Variants in KCNH1 observed in about 807,000 individuals in gnomAD.
The protein encoded by KCNH1 is potassium voltage-gated channel subfamily H member 1, also known as voltage-gated delayed rectifier potassium channel KCNH1.
KCNH1 carries 27 observed loss-of-function variants against 69.2 expected under a neutral mutation model. The ratio of observed to expected loss-of-function variants is 0.39; its 90% CI spans 0.29 to 0.54. The LOEUF (loss-of-function observed/expected upper bound fraction) is 0.54. Among genes scored for constraint, KCNH1 ranks in the 20% least tolerant of loss-of-function variants. The pLI, the probability that KCNH1 is intolerant of heterozygous loss-of-function variation, is 0.68. For synonymous variants in KCNH1, 456 were observed against 487.7 expected (o/e 0.93, Z 0.86); for missense variants, 798 against 1,261.6 (o/e 0.63, Z 5.57).
At chr1:211,011,372 T>C (rs1689390835) in intron 6 of KCNH1, among the ~76,000 whole-genome samples, 1 of 152,222 alleles carries the variant, frequency 6.6e-6, no homozygotes, top group South Asian at 2.1e-4. Context: ...TTATCCAGTC[T>C]ATCATTGATG....
intron 5 of KCNH1, among the ~76,000 whole-genome samples, chr1:211,032,839 G>A (rs1689815229): frequency 6.6e-6 from 1 of 152,254 alleles, no homozygotes; most frequent in Middle Eastern, 3.4e-3. Flanking sequence ...TACCATTCAG[G>A]ACATAGGCAT....
intron 1 of KCNH1, among the ~76,000 whole-genome samples, chr1:211,119,627 T>C (rs897737692): frequency 1.3e-5 from 2 of 152,124 alleles, no homozygotes; most frequent in African/African-American, 4.8e-5. Context: ...ATCAGTATGA[T>C]ATACCCAAAT....
intron 5 of KCNH1, among the ~76,000 whole-genome samples, chr1:211,058,445 T>A (rs1469955417): frequency 6.6e-6 from 1 of 152,162 alleles, no homozygotes; most frequent in African/African-American, 2.4e-5. Context: ...ACAAAAAGTT[T>A]AAAAGCAGGG....
intron 7 of KCNH1, among the ~76,000 whole-genome samples, chr1:210,875,589 G>A (rs1400699807): frequency 6.6e-6 from 1 of 152,128 alleles, no homozygotes; most frequent in Non-Finnish European, 1.5e-5. Context: ...GATCACTTGA[G>A]ATCAGGAGTT....
intron 8 of KCNH1, among the ~76,000 whole-genome samples, chr1:210,803,394 A>G (rs1218503888): frequency 6.6e-6 from 1 of 152,150 alleles, no homozygotes; most frequent in Non-Finnish European, 1.5e-5. Context: ...GAGCCGCTGC[A>G]TCTGGCCTGA....
intron 7 of KCNH1, among the ~76,000 whole-genome samples, chr1:210,909,380 C>T (rs1232254396): frequency 6.6e-6 from 1 of 152,204 alleles, no homozygotes; most frequent in Admixed American, 6.5e-5. Flanking sequence ...CATTCATCCA[C>T]ATTAATGAAC....
chr1:210,965,406 TG>T (rs1688380342), intron 6 of KCNH1, among the ~76,000 whole-genome samples: 1 of 152,058 alleles, frequency 6.6e-6, no homozygotes, highest in Non-Finnish European at 1.5e-5. Flanking sequence ...AGCAGTCTCA[TG>T]GTAAAAAAAA....
intron 10 of KCNH1, among the ~76,000 whole-genome samples, chr1:210,761,302 C>T (rs1042152949): frequency 4.2e-5 from 6 of 143,906 alleles, no homozygotes; most frequent in Admixed American, 1.4e-4. Context: ...AGCCCATGGA[C>T]CCTATAAAGC....
At chr1:210,932,504 A>G (rs1366846822) in intron 6 of KCNH1, among the ~76,000 whole-genome samples, 2 of 151,732 alleles carry the variant, frequency 1.3e-5, no homozygotes, top group Non-Finnish European at 2.9e-5. Context: ...GTAAGTACTG[A>G]CCTATCAATA....
intron 6 of KCNH1, among the ~76,000 whole-genome samples, chr1:210,985,223 C>A (rs1213399596): frequency 2.0e-5 from 3 of 152,026 alleles, no homozygotes; most frequent in African/African-American, 4.8e-5. Context: ...TTGATCTTTT[C>A]AAAAAACCAG....
chr1:210,722,926 C>T (rs1682504663), intron 10 of KCNH1, among the ~76,000 whole-genome samples: 1 of 152,200 alleles, frequency 6.6e-6, no homozygotes, highest in African/African-American at 2.4e-5. Context: ...GAAAATCTCA[C>T]ACTTGTCTTG....
chr1:211,096,604 T>C (rs1691159763), intron 3 of KCNH1, among the ~76,000 whole-genome samples: 2 of 152,214 alleles, frequency 1.3e-5, no homozygotes, highest in Non-Finnish European at 2.9e-5. Context: ...ATTGCATTGA[T>C]GAGTATAAAA....
At chr1:211,025,068 A>T (rs1689661257) in intron 5 of KCNH1, among the ~76,000 whole-genome samples, 1 of 152,200 alleles carries the variant, frequency 6.6e-6, no homozygotes, top group Non-Finnish European at 1.5e-5. Context: ...AGTACAGAGA[A>T]GGCTGGCTCC....
chr1:210,852,496 C>T (rs1685726707), intron 7 of KCNH1, among the ~76,000 whole-genome samples: 1 of 152,022 alleles, frequency 6.6e-6, no homozygotes, highest in Non-Finnish European at 1.5e-5. Context: ...TAAGTGACTT[C>T]TAGGAAGCCT....
chr1:211,094,453 A>G (rs1242796208), intron 3 of KCNH1, among the ~76,000 whole-genome samples: 1 of 152,180 alleles, frequency 6.6e-6, no homozygotes, highest in Non-Finnish European at 1.5e-5. Context: ...CTGATCATGG[A>G]CAGGGAAGTT....
At chr1:210,941,506 A>G (rs1309565218) in intron 6 of KCNH1, among the ~76,000 whole-genome samples, 1 of 152,176 alleles carries the variant, frequency 6.6e-6, no homozygotes, top group Non-Finnish European at 1.5e-5. Flanking sequence ...CAGTAGCCCA[A>G]ACACCTGGGT....
intron 6 of KCNH1, among the ~76,000 whole-genome samples, chr1:210,985,133 C>T (rs900380141): frequency 1.4e-4 from 22 of 152,076 alleles, no homozygotes; most frequent in African/African-American, 5.3e-4. Context: ...GGTGATATCC[C>T]TTTATCATTT....
At chr1:210,954,384 T>C (rs142821065) in intron 6 of KCNH1, among the ~76,000 whole-genome samples, 44 of 152,348 alleles carry the variant, frequency 2.9e-4, no homozygotes, top group Non-Finnish European at 5.3e-4. Flanking sequence ...TGTGTCTTTA[T>C]AGTAGAATGA....
intron 6 of KCNH1, among the ~76,000 whole-genome samples, chr1:210,971,060 A>G (rs1014645742): frequency 2.0e-5 from 3 of 152,304 alleles, no homozygotes; most frequent in Admixed American, 6.5e-5. Flanking sequence ...ATCACTGATC[A>G]TTAGAGAAAT....
Sources: allele counts gnomAD v4.1 joint callset (sites outside exome capture counted in the v4.1 genomes callset), GRCh38; gene constraint gnomAD v4.1.1; transcripts MANE v1.5; gene names NCBI Gene and HGNC (gene_info 2026-07-23, HGNC 2026-07-21).